The following ST6GALNAC3 variants were observed in gnomAD, a reference collection of about 807,000 sequenced individuals.
ST6GALNAC3 encodes the protein alpha-N-acetylgalactosaminide alpha-2,6-sialyltransferase 3.
In ST6GALNAC3, 25 loss-of-function variants were observed where a neutral mutation model predicts 32.7. That is an observed-to-expected ratio of 0.76 (90% CI 0.56 to 1.07). ST6GALNAC3 has a LOEUF of 1.07. Among genes scored for constraint, ST6GALNAC3 ranks in the 50% least tolerant of loss-of-function variants. The pLI is 0.00. For missense variants in ST6GALNAC3, 355 were observed against 382.4 expected (o/e 0.93, Z 0.60); for synonymous variants, 129 against 133.1 (o/e 0.97, Z 0.21).
rs886420064 is a variant in ST6GALNAC3, at chr1:76,411,415, C to T, written c.214-593C>T. Among the ~76,000 whole-genome samples the T allele has an allele frequency of 2.0e-5, 3 of 151,964 alleles. No homozygotes were observed. The East Asian group carries it at 5.8e-4, about 29-fold the overall frequency. ...TCTAGGATAAACATAAACACAGACG[C>T]CAATTAATATGATGACTTGAGGGAA... On this transcript the variant is annotated intron_variant, in intron 2 of 4. Coordinates refer to ENST00000328299, the MANE Select transcript of ST6GALNAC3 (RefSeq NM_152996.4).
intron 2 of ST6GALNAC3, among the ~76,000 whole-genome samples, chr1:76,390,789 G>T (rs1258737054): frequency 6.6e-6 from 1 of 151,716 alleles, no homozygotes; most frequent in Non-Finnish European, 1.5e-5. Context: ...GACAAGAAGA[G>T]GTTGAACCTG....
At chr1:76,416,034 A>AACACACACACACACACACACACAC (rs60710007) in intron 3 of ST6GALNAC3, among the ~76,000 whole-genome samples, 9 of 144,428 alleles carry the variant, frequency 6.2e-5, no homozygotes, top group Non-Finnish European at 1.1e-4. Context: ...TTTATTCCAC[A>AACACACACACACACACACACACAC]ACACACACAC....
intron 3 of ST6GALNAC3, among the ~76,000 whole-genome samples, chr1:76,545,558 T>G (rs1407448540): frequency 1.3e-5 from 2 of 152,260 alleles, no homozygotes; most frequent in African/African-American, 2.4e-5. Context: ...TTAATAACAT[T>G]TTTTGTACTT....
intron 1 of ST6GALNAC3, chr1:76,309,833 A>C (rs1464407124): frequency 9.3e-5 from 37 of 399,512 alleles, no homozygotes; most frequent in South Asian, 6.5e-4. Context: ...TGCTCCCTTC[A>C]CCCTCTCTGT....
intron 3 of ST6GALNAC3, among the ~76,000 whole-genome samples, chr1:76,576,006 C>T (rs1646799485): frequency 2.0e-5 from 3 of 151,826 alleles, no homozygotes; most frequent in Admixed American, 2.0e-4. Flanking sequence ...TTAGGAGGAA[C>T]ACGGCACCCC....
At chr1:76,482,407 T>A (rs74089961) in intron 3 of ST6GALNAC3, among the ~76,000 whole-genome samples, 1 of 152,124 alleles carries the variant, frequency 6.6e-6, no homozygotes. Context: ...CCACAACATT[T>A]GTGGTAAGTA....
chr1:76,624,709 G>A (rs776992435), intron 3 of ST6GALNAC3, among the ~76,000 whole-genome samples: 5 of 151,694 alleles, frequency 3.3e-5, no homozygotes, highest in Admixed American at 6.6e-5. Flanking sequence ...CTTGGCCTTC[G>A]TCAGCCATTG....
intron 3 of ST6GALNAC3, among the ~76,000 whole-genome samples, chr1:76,491,566 C>A (rs1333028960): frequency 1.3e-5 from 2 of 152,216 alleles, no homozygotes; most frequent in Admixed American, 6.5e-5. Context: ...ATTCTGAGTG[C>A]CTTGTTTGTA....
chr1:76,101,234 A>G (rs1353951602), intron 1 of ST6GALNAC3, among the ~76,000 whole-genome samples: 1 of 152,132 alleles, frequency 6.6e-6, no homozygotes, highest in African/African-American at 2.4e-5. Context: ...CCTTTTCCGG[A>G]AGGTCATATA....
intron 2 of ST6GALNAC3, among the ~76,000 whole-genome samples, chr1:76,375,652 A>G (rs1651164727): frequency 1.3e-5 from 2 of 152,244 alleles, no homozygotes; most frequent in African/African-American, 4.8e-5. Flanking sequence ...GGTTAGAAAA[A>G]AAGTCAATTT....
chr1:76,425,299 TCC>T (rs1356821674), intron 3 of ST6GALNAC3, among the ~76,000 whole-genome samples: 1 of 151,922 alleles, frequency 6.6e-6, no homozygotes, highest in Non-Finnish European at 1.5e-5. Flanking sequence ...AGTAGCAACT[TCC>T]CCTATTAGGA....
chr1:76,176,468 A>G (rs1652861894), intron 1 of ST6GALNAC3, among the ~76,000 whole-genome samples: 1 of 152,218 alleles, frequency 6.6e-6, no homozygotes, highest in South Asian at 2.1e-4. Flanking sequence ...TGTGAAAACA[A>G]TTCTAATCCT....
At chr1:76,092,232 G>T (rs1378766236) in intron 1 of ST6GALNAC3, among the ~76,000 whole-genome samples, 1 of 152,184 alleles carries the variant, frequency 6.6e-6, no homozygotes, top group East Asian at 1.9e-4. Context: ...TCTCTGATTA[G>T]AGAGATACTT....
At chr1:76,601,883 A>G (rs1156414060) in intron 3 of ST6GALNAC3, among the ~76,000 whole-genome samples, 1 of 152,200 alleles carries the variant, frequency 6.6e-6, no homozygotes, top group African/African-American at 2.4e-5. Flanking sequence ...GTTAAGAGGA[A>G]GTCCTGCTAG....
chr1:76,304,352 T>A (rs1660909121), intron 1 of ST6GALNAC3, among the ~76,000 whole-genome samples: 1 of 151,970 alleles, frequency 6.6e-6, no homozygotes, highest in African/African-American at 2.4e-5. Flanking sequence ...CCACTCTCCC[T>A]CTTCCCTCTT....
At chr1:76,178,062 A>C (rs11806331) in intron 1 of ST6GALNAC3, among the ~76,000 whole-genome samples, 1 of 152,248 alleles carries the variant, frequency 6.6e-6, no homozygotes, top group African/African-American at 2.4e-5. Flanking sequence ...TTGAATTGTC[A>C]TAATTATTTA....
At chr1:76,083,936 G>A (rs915325368) in intron 1 of ST6GALNAC3, among the ~76,000 whole-genome samples, 1 of 152,164 alleles carries the variant, frequency 6.6e-6, no homozygotes. Flanking sequence ...ATTGTGCTTA[G>A]ACCTTTTCCA....
intron 1 of ST6GALNAC3, among the ~76,000 whole-genome samples, chr1:76,107,088 G>A (rs547304303): frequency 2.0e-5 from 3 of 152,214 alleles, no homozygotes; most frequent in Non-Finnish European, 4.4e-5. Context: ...CACCAACTGG[G>A]TGGGGTTGGG....
chr1:76,566,703 CA>C (rs1243699860), intron 3 of ST6GALNAC3, among the ~76,000 whole-genome samples: 1 of 152,200 alleles, frequency 6.6e-6, no homozygotes. Flanking sequence ...CTTTACCCAT[CA>C]CTCTCTCTTG....
Sources: allele counts gnomAD v4.1 joint callset (sites outside exome capture counted in the v4.1 genomes callset), GRCh38; gene constraint gnomAD v4.1.1; transcripts MANE v1.5; gene names NCBI Gene and HGNC (gene_info 2026-07-23, HGNC 2026-07-21).